The following GRIA3 variants were observed in gnomAD, a reference collection of about 807,000 sequenced individuals.
GRIA3 encodes glutamate ionotropic receptor AMPA type subunit 3, also known as glutamate receptor 3.
Under a neutral mutation model 63.0 loss-of-function variants are expected in GRIA3, and 3 were observed. The observed-to-expected ratio is 0.05, with a 90% confidence interval of 0.02 to 0.12. The LOEUF (loss-of-function observed/expected upper bound fraction) is 0.12. Among genes scored for constraint, GRIA3 ranks in the 10% least tolerant of loss-of-function variants. The pLI is 1.00. For missense variants in GRIA3, 347 were observed against 700.9 expected (o/e 0.50, Z 5.70); for synonymous variants, 274 against 257.9 (o/e 1.06, Z -0.60).
At chrX:123,204,719 T>G (rs890590795) in intron 2 of GRIA3, 5 of 875,159 alleles carry the variant, frequency 5.7e-6, no homozygotes, top group Non-Finnish European at 7.4e-6. Context: ...TTTTTGGGAG[T>G]TGAGGGGAAA....
chrX:123,251,011 C>G (rs1213658982), intron 2 of GRIA3, among the ~76,000 whole-genome samples: 3 of 111,598 alleles, frequency 2.7e-5, no homozygotes, highest in Non-Finnish European at 5.6e-5. Context: ...GGCTCCTCTG[C>G]TTAATAGCTA....
intron 2 of GRIA3, among the ~76,000 whole-genome samples, chrX:123,214,141 A>G (rs143469574): frequency 0.01 from 1,149 of 112,674 alleles, 21 homozygotes; most frequent in African/African-American, 0.035. Context: ...CAAAGCAATG[A>G]AAGTCTCAAG....
At chrX:123,371,412 G>A (rs931978833) in intron 5 of GRIA3, among the ~76,000 whole-genome samples, 2 of 110,144 alleles carry the variant, frequency 1.8e-5, no homozygotes, top group African/African-American at 3.3e-5. Context: ...CAGTGGGATC[G>A]CTGGATCTTA....
At chrX:123,413,964 C>T (rs768174051) in intron 10 of GRIA3, among the ~76,000 whole-genome samples, 5 of 111,722 alleles carry the variant, frequency 4.5e-5, no homozygotes, top group African/African-American at 6.5e-5. Context: ...AAGGAAAGCA[C>T]GTACATAGTG....
intron 2 of GRIA3, among the ~76,000 whole-genome samples, chrX:123,197,456 C>T (rs148911672): frequency 0.025 from 2,754 of 111,603 alleles, 96 homozygotes; most frequent in African/African-American, 0.083. Context: ...ACCCAGGAGA[C>T]GGAGGTTGCA....
At chrX:123,379,389 G>T (rs753119417) in intron 5 of GRIA3, among the ~76,000 whole-genome samples, 1 of 111,043 alleles carries the variant, frequency 9.0e-6, no homozygotes, top group East Asian at 2.8e-4. Flanking sequence ...CTTAAAATTC[G>T]AAAGCAAAGA....
intron 2 of GRIA3, among the ~76,000 whole-genome samples, chrX:123,247,308 C>T (rs932321167): frequency 9.0e-6 from 1 of 111,396 alleles, no homozygotes; most frequent in African/African-American, 3.3e-5. Context: ...TGTAATGATG[C>T]CTTTTGGAAT....
intron 3 of GRIA3, among the ~76,000 whole-genome samples, chrX:123,292,287 G>A (rs1173847390): frequency 1.8e-5 from 2 of 111,362 alleles, no homozygotes; most frequent in African/African-American, 6.5e-5. Context: ...AATTGGATTT[G>A]TGCCTGGATG....
intron 5 of GRIA3, among the ~76,000 whole-genome samples, chrX:123,365,992 A>C (rs957099064): frequency 2.7e-5 from 3 of 111,347 alleles, no homozygotes; most frequent in African/African-American, 9.8e-5. Flanking sequence ...CAATTCCCAG[A>C]ACTGAGGGTT....
At position 123,386,246 on chromosome X, in the gene GRIA3, A is replaced by G. The variant is rs770701736; in HGVS notation, c.751-8722A>G. 8.6e-4 allele frequency among the ~76,000 whole-genome samples: 96 copies of G among 111,750 alleles called. 1 individual carries two copies. The highest frequency in any genetic ancestry group is 2.9e-3 in the African/African-American group (91 of 30,898). ...ATTGGCAATCTGTATGTCTTATTTT[A>G]AGAAATTTCTATTCATGTTCTTTGC... On this transcript the variant is annotated intron_variant, in intron 5 of 15. Transcript: ENST00000620443.
intron 2 of GRIA3, among the ~76,000 whole-genome samples, chrX:123,207,912 G>T (rs1927936059): frequency 8.9e-6 from 1 of 111,878 alleles, no homozygotes; most frequent in South Asian, 3.7e-4. Context: ...GAACACAACA[G>T]GTCAGGTCAC....
At chrX:123,190,981 A>G (rs1927417341) in intron 2 of GRIA3, among the ~76,000 whole-genome samples, 2 of 112,437 alleles carry the variant, frequency 1.8e-5, no homozygotes, top group Admixed American at 9.4e-5. Flanking sequence ...TTACAGTTAA[A>G]GAGATTTGTC....
intron 2 of GRIA3, among the ~76,000 whole-genome samples, chrX:123,208,609 C>T (rs1395672519): frequency 8.9e-6 from 1 of 112,029 alleles, no homozygotes; most frequent in Non-Finnish European, 1.9e-5. Context: ...GTTGATATCA[C>T]TAGATAATTG....
intron 5 of GRIA3, among the ~76,000 whole-genome samples, chrX:123,358,977 A>G (rs992392940): frequency 9.0e-6 from 1 of 111,301 alleles, no homozygotes; most frequent in African/African-American, 3.3e-5. Flanking sequence ...TAATAAGAAG[A>G]AAAAAAAGCA....
intron 3 of GRIA3, among the ~76,000 whole-genome samples, chrX:123,263,345 T>C (rs937617174): frequency 1.8e-5 from 2 of 112,351 alleles, no homozygotes; most frequent in African/African-American, 6.5e-5. Flanking sequence ...ACTACTTCAC[T>C]CCCTGTCTTC....
intron 5 of GRIA3, among the ~76,000 whole-genome samples, chrX:123,393,766 T>G (rs976558533): frequency 8.9e-6 from 1 of 112,169 alleles, no homozygotes; most frequent in Non-Finnish European, 1.9e-5. Context: ...ATTTTTATAT[T>G]AAAATGTTGG....
At chrX:123,261,548 A>C (rs2044460288) in intron 3 of GRIA3, among the ~76,000 whole-genome samples, 1 of 112,046 alleles carries the variant, frequency 8.9e-6, no homozygotes, top group Non-Finnish European at 1.9e-5. Context: ...GAGACAAATT[A>C]AGCTAAAATG....
Position 123,216,273 on chromosome X carries a change from G to A in GRIA3, c.268+30283G>A, listed in dbSNP as rs1288798992. The stretch of plus-strand genomic sequence containing the variant: ...AAAACCAATTTCCTAACTGTTGCAT[G>A]ACAATCAGCAGTCAAACTAATTGGA... On this transcript the variant is annotated intron_variant, in intron 2 of 15. Coordinates refer to ENST00000620443, the MANE Select transcript of GRIA3 (RefSeq NM_007325.5). 3.6e-5 allele frequency among the ~76,000 whole-genome samples: 4 copies of A among 111,947 alleles called. No homozygotes were observed. The Admixed American group carries it at 3.8e-4, about 11-fold the overall frequency.
At chrX:123,325,864 G>A (rs746714574) in intron 3 of GRIA3, among the ~76,000 whole-genome samples, 162 bp from the exon 4 acceptor site, 45 of 112,030 alleles carry the variant, frequency 4.0e-4, no homozygotes, top group Non-Finnish European at 7.5e-4. Flanking sequence ...AAATGAAAGT[G>A]CAAACTGTCT....
Sources: gnomAD v4.1 joint callset for allele counts (sites outside exome capture counted in the v4.1 genomes callset) on GRCh38, gnomAD v4.1.1 for gene constraint, MANE v1.5 for transcripts, NCBI Gene and HGNC (gene_info 2026-07-23, HGNC 2026-07-21) for gene names.